COL25A1: variants seen among roughly 807,000 people sequenced by gnomAD.
COL25A1 encodes collagen type XXV alpha 1 chain.
Under a neutral mutation model 128.4 loss-of-function variants are expected in COL25A1, and 103 were observed. That is an observed-to-expected ratio of 0.80 (90% CI 0.68 to 0.94). COL25A1 has a LOEUF of 0.94. Ranked by LOEUF, COL25A1 falls within the 40% of genes least tolerant of loss-of-function variation. The probability of loss-of-function intolerance (pLI) is 0.00; values close to 1 mark genes in which losing one functional copy is unlikely to be tolerated. For missense variants in COL25A1, 745 were observed against 840.0 expected, an observed-to-expected ratio of 0.89 and a Z score of 1.40; for synonymous variants, 279 against 277.2, an observed-to-expected ratio of 1.01 and a Z score of -0.06.
chr4:109,065,782 T>C (rs935872880), intron 3 of COL25A1, among the ~76,000 whole-genome samples: 2 of 152,176 alleles, frequency 1.3e-5, no homozygotes, highest in African/African-American at 4.8e-5. Context: ...TAGTCCTAGA[T>C]TTTGAGCCAC....
At chr4:108,886,439 A>ATT (rs1383238271) in intron 18 of COL25A1, among the ~76,000 whole-genome samples, 34 of 116,228 alleles carry the variant, frequency 2.9e-4, no homozygotes, top group Non-Finnish European at 4.7e-4. Flanking sequence ...GTGCTATGAG[A>ATT]TTTTGTGTGT....
chr4:109,072,516 T>C (rs760144033), intron 3 of COL25A1, among the ~76,000 whole-genome samples: 3 of 152,198 alleles, frequency 2.0e-5, no homozygotes, highest in Admixed American at 6.5e-5. Flanking sequence ...CTCAGTCATA[T>C]CACAGGGATC....
chr4:108,960,054 T>C (rs577529017), intron 8 of COL25A1, among the ~76,000 whole-genome samples: 85 of 152,246 alleles, frequency 5.6e-4, no homozygotes, highest in African/African-American at 1.9e-3. Flanking sequence ...AAAAATAGAA[T>C]GGCTTCATAA....
At chr4:109,215,215 T>C (rs1017939677) in intron 3 of COL25A1, among the ~76,000 whole-genome samples, 2 of 152,192 alleles carry the variant, frequency 1.3e-5, no homozygotes, top group African/African-American at 4.8e-5. Flanking sequence ...TAGCAAACTT[T>C]GATTTGTCCT....
intron 3 of COL25A1, among the ~76,000 whole-genome samples, chr4:109,238,314 T>C (rs948846096): frequency 2.0e-5 from 3 of 152,056 alleles, no homozygotes; most frequent in African/African-American, 7.2e-5. Context: ...ACACATACTT[T>C]TTAAGTATTG....
At chr4:108,873,081 C>G (rs1738965752) in intron 19 of COL25A1, among the ~76,000 whole-genome samples, 1 of 151,906 alleles carries the variant, frequency 6.6e-6, no homozygotes, top group African/African-American at 2.4e-5. Flanking sequence ...TTTGTAGAGA[C>G]TAGGTCTTGC....
Position 108,852,934 on chromosome 4 carries a change from A to C in COL25A1, c.1321-9T>G. ...GTTAAGGTGGTAATCCTCTGTTGGGAAAATGTGTTGACAAAGACAGAGTTA... is the reference window on the plus strand; with the variant it reads ...GTTAAGGTGGTAATCCTCTGTTGGGCAAATGTGTTGACAAAGACAGAGTTA... On this transcript the variant is annotated splice_polypyrimidine_tract_variant and intron_variant, in intron 24 of 37. Coordinates refer to ENST00000399132, the MANE Select transcript of COL25A1 (RefSeq NM_198721.4). 1 of 1,608,156 alleles carries C rather than the reference A, an allele frequency of 6.2e-7. No homozygotes were observed. Among genetic ancestry groups the C allele is most frequent in the Admixed American group, 1.7e-5 (1 of 59,214 alleles).
chr4:109,097,953 G>A (rs993947825), intron 3 of COL25A1, among the ~76,000 whole-genome samples: 2 of 151,938 alleles, frequency 1.3e-5, no homozygotes, highest in Non-Finnish European at 2.9e-5. Context: ...TGAGCCACCG[G>A]CACCAGGCAC....
intron 3 of COL25A1, among the ~76,000 whole-genome samples, chr4:109,171,396 G>A (rs762221809): frequency 2.6e-5 from 4 of 152,140 alleles, no homozygotes; most frequent in Non-Finnish European, 5.9e-5. Context: ...AGATAATTAG[G>A]TCATGAGGGT....
chr4:108,844,269 G>C (rs1734813549), intron 30 of COL25A1, among the ~76,000 whole-genome samples: 1 of 152,200 alleles, frequency 6.6e-6, no homozygotes, highest in Non-Finnish European at 1.5e-5. Flanking sequence ...TTGTAGTAGA[G>C]CTTGCTATAT....
intron 3 of COL25A1, among the ~76,000 whole-genome samples, chr4:109,143,225 T>C (rs1385251845): frequency 6.6e-6 from 1 of 152,240 alleles, no homozygotes; most frequent in African/African-American, 2.4e-5. Context: ...GAATGTTGAA[T>C]ATTGGCCTCC....
intron 6 of COL25A1, among the ~76,000 whole-genome samples, chr4:108,997,912 C>G (rs1167784074): frequency 6.6e-6 from 1 of 152,086 alleles, no homozygotes; most frequent in Admixed American, 6.5e-5. Context: ...AGGCTTTAGA[C>G]AAAATTCAAC....
intron 3 of COL25A1, among the ~76,000 whole-genome samples, chr4:109,107,947 ACTCT>A (rs1201930517): frequency 1.3e-5 from 2 of 151,986 alleles, no homozygotes; most frequent in African/African-American, 4.8e-5. Flanking sequence ...CATGTGATCA[ACTCT>A]TTCCATTCAT....
chr4:109,098,341 G>A (rs1272300649), intron 3 of COL25A1, among the ~76,000 whole-genome samples: 2 of 152,270 alleles, frequency 1.3e-5, no homozygotes, highest in East Asian at 3.9e-4. Context: ...CTGAAATATA[G>A]GAAACTGGGA....
chr4:108,977,229 G>C (rs1197453372), intron 6 of COL25A1, among the ~76,000 whole-genome samples: 1 of 152,180 alleles, frequency 6.6e-6, no homozygotes, highest in African/African-American at 2.4e-5. Context: ...AAGGGGAATA[G>C]AGGAGGAGTG....
At chr4:108,866,835 T>C (rs999312648) in intron 20 of COL25A1, among the ~76,000 whole-genome samples, 1 of 152,236 alleles carries the variant, frequency 6.6e-6, no homozygotes, top group Non-Finnish European at 1.5e-5. Context: ...GATGTGTGTA[T>C]ATGTGTGCAC....
intron 3 of COL25A1, among the ~76,000 whole-genome samples, chr4:109,294,062 A>G (rs554093740): frequency 6.6e-6 from 1 of 152,266 alleles, no homozygotes; most frequent in South Asian, 2.1e-4. Context: ...CTGATAGGAC[A>G]CTAGAGTTTT....
At chr4:109,249,003 A>G (rs1291882700) in intron 3 of COL25A1, among the ~76,000 whole-genome samples, 1 of 152,338 alleles carries the variant, frequency 6.6e-6, no homozygotes, top group Admixed American at 6.5e-5. Flanking sequence ...TAAATCCACT[A>G]GGTGCCAGAC....
At chr4:108,983,268 T>C (rs1008859906) in intron 6 of COL25A1, among the ~76,000 whole-genome samples, 1 of 152,182 alleles carries the variant, frequency 6.6e-6, no homozygotes, top group African/African-American at 2.4e-5. Flanking sequence ...ATTCCTTTTG[T>C]CGAAAGAAAG....
Sources: gnomAD v4.1 joint callset for allele counts (sites outside exome capture counted in the v4.1 genomes callset) on GRCh38, gnomAD v4.1.1 for gene constraint, MANE v1.5 for transcripts, NCBI Gene and HGNC (gene_info 2026-07-23, HGNC 2026-07-21) for gene names.